DNMT1: variants seen among roughly 807,000 people sequenced by gnomAD.
The protein encoded by DNMT1 is DNA methyltransferase 1, also known as DNA (cytosine-5)-methyltransferase 1.
DNMT1 carries 24 observed loss-of-function variants against 205.3 expected under a neutral mutation model. That is an observed-to-expected ratio of 0.12 (90% CI 0.08 to 0.16). DNMT1 has a LOEUF of 0.16. Ranked by LOEUF, DNMT1 falls within the 10% of genes least tolerant of loss-of-function variation. The pLI, the probability that DNMT1 is intolerant of heterozygous loss-of-function variation, is 1.00. For missense variants in DNMT1, 1,293 were observed against 2,177.7 expected, an observed-to-expected ratio of 0.59 and a Z score of 8.09; for synonymous variants, 817 against 839.8, an observed-to-expected ratio of 0.97 and a Z score of 0.47.
At chr19:10,144,111 C>A (rs2089654386) in intron 28 of DNMT1, 124 bp from the exon 29 acceptor site, 1 of 1,010,272 alleles carries the variant, frequency 9.9e-7, no homozygotes, top group East Asian at 2.5e-5. Context: ...TAGGTGTGTA[C>A]CCTAAGAAAT....
chr19:10,191,908 G>A (rs2039311409), intron 1 of DNMT1, among the ~76,000 whole-genome samples: 2 of 151,618 alleles, frequency 1.3e-5, no homozygotes, highest in Non-Finnish European at 2.9e-5. Context: ...GTGCAATCTC[G>A]GCTCCTGGGT....
chr19:10,156,184 A>T lies in DNMT1; in HGVS notation c.1399+207T>A, dbSNP rs1266261444. ...TGTTTTTTATTTATACATATATATAAGTATATATGTATACTATATATATAT... is the reference window on the plus strand; with the variant it reads ...TGTTTTTTATTTATACATATATATATGTATATATGTATACTATATATATAT... On this transcript the variant is annotated intron_variant, in intron 18 of 40. Transcript: ENST00000359526. This position sits in a 1 kb window ranked among gnomAD's most constrained non-coding sequence, Gnocchi z 4.2. Among the ~76,000 whole-genome samples, 1 of 150,596 alleles carries T rather than the reference A, an allele frequency of 6.6e-6. No homozygotes were observed. Among genetic ancestry groups the T allele is most frequent in the Non-Finnish European group, 1.5e-5 (1 of 67,742 alleles).
chr19:10,149,055 G>A, intron 26 of DNMT1, 38 bp from the exon 27 acceptor site: 2 of 1,611,944 alleles, frequency 1.2e-6, no homozygotes, highest in Non-Finnish European at 1.7e-6. Context: ...CAGGCGCAGT[G>A]GCTCATGCCT....
In DNMT1 at chr19:10,137,124, T is replaced by C. The variant is rs1568219726; in HGVS notation, c.4450A>G (p.Ser1484Gly). The C allele has an allele frequency of 6.2e-7, 1 of 1,611,642 alleles. No individual in the cohort carries two copies. The highest frequency in any genetic ancestry group is 2.2e-5 in the East Asian group (1 of 44,854). ...THHDRKNGRS[S>G]SGALRGVCSC... ...CAGACCCCACGGAGGGCCCCAGAGCTGCTGCGGCCGTTCTTCCTGTCATGG... is the reference window on the plus strand; with the variant it reads ...CAGACCCCACGGAGGGCCCCAGAGCCGCTGCGGCCGTTCTTCCTGTCATGG... The change falls in exon 37 of 41, where the codon AGC becomes GGC. Residue 1484 changes from serine (S) to glycine (G), a missense_variant. Transcript: ENST00000359526. This position sits in a 1 kb window ranked among gnomAD's most constrained non-coding sequence, Gnocchi z 6.4.
At chr19:10,145,102 T>C (rs1014283087) in intron 28 of DNMT1, among the ~76,000 whole-genome samples, 6 of 152,194 alleles carry the variant, frequency 3.9e-5, no homozygotes, top group Admixed American at 3.3e-4. Context: ...TGGAGGCCAA[T>C]GTAAGGCGCC....
chr19:10,152,674 T>C (rs2038373603), intron 22 of DNMT1, among the ~76,000 whole-genome samples: 1 of 151,726 alleles, frequency 6.6e-6, no homozygotes, highest in Non-Finnish European at 1.5e-5. Context: ...GGTGGGAAGA[T>C]CACTTGAGCC....
In DNMT1 at chr19:10,169,398, A is replaced by AAG. The variant is rs1467761974; in HGVS notation, c.769-1035_769-1034insCT. Among the ~76,000 whole-genome samples, 4 of 150,100 alleles carry AAG rather than the reference A, an allele frequency of 2.7e-5. No individual in the cohort carries two copies. In the East Asian group the frequency reaches 7.9e-4, roughly 29 times the overall value. On this transcript the variant is annotated intron_variant, in intron 9 of 40. Transcript: ENST00000359526. Reference sequence around the variant, plus strand: ...TCTACTAAAAATACAAAAAAAAAAAAAAAAAAAAATTAGCCGGGCGTGTTG... The same window carrying AAG: ...TCTACTAAAAATACAAAAAAAAAAAAAGAAAAAAAAATTAGCCGGGCGTGTTG...
chr19:10,181,711 C>T (rs2039050072), intron 2 of DNMT1, among the ~76,000 whole-genome samples: 1 of 151,986 alleles, frequency 6.6e-6, no homozygotes, highest in Non-Finnish European at 1.5e-5. Context: ...TGCCTGTAGT[C>T]CCAGCTACTT....
intron 1 of DNMT1, 164 bp downstream of exon 1, chr19:10,194,656 G>A (rs917144540): frequency 3.1e-6 from 3 of 959,682 alleles, no homozygotes; most frequent in Non-Finnish European, 2.9e-6. Context: ...ACGCGCGACC[G>A]GAAGTGCCAC....
rs1384203136 is a variant in DNMT1 at position 10,190,316 on chromosome 19, A to G, written c.80+4504T>C. Among the ~76,000 whole-genome samples the G allele has an allele frequency of 2.0e-5, 3 of 152,202 alleles. No homozygotes were observed. In the East Asian group the frequency reaches 5.8e-4, roughly 29 times the overall value. Reference sequence around the variant, plus strand: ...TTGAGTCTACTGTGCTCCAAGCTGCAGATACAGTGAATACGGCAGACACGC... The same window carrying G: ...TTGAGTCTACTGTGCTCCAAGCTGCGGATACAGTGAATACGGCAGACACGC... On this transcript the variant is annotated intron_variant, in intron 1 of 40. Coordinates refer to ENST00000359526, the MANE Select transcript of DNMT1 (RefSeq NM_001130823.3).
intron 28 of DNMT1, among the ~76,000 whole-genome samples, chr19:10,145,586 C>G (rs2145280901): frequency 6.6e-6 from 1 of 152,358 alleles, no homozygotes; most frequent in East Asian, 1.9e-4. Flanking sequence ...GATCCTCTGA[C>G]ACAGAGAAGT....
Position 10,134,256 on chromosome 19 carries a change from T to A in DNMT1, c.4825A>T (p.Lys1609Ter). The A allele has an allele frequency of 6.2e-7, 1 of 1,614,152 alleles. No homozygotes were observed. The highest frequency in any genetic ancestry group is 8.5e-7 in the Non-Finnish European group (1 of 1,180,038). ...PLAKAIGLEI[K>*]LCMLAKARES... ...CGGGCTTTGGCCAACATACAAAGCT[T>A]GATCTCCAAGCCAATGGCTTTGGCC... The change falls in exon 40 of 41, where the codon AAG becomes TAG. Residue 1609 changes from lysine to a stop codon, truncating the protein, a stop_gained. Coordinates refer to ENST00000359526, the MANE Select transcript of DNMT1 (RefSeq NM_001130823.3). LOFTEE classifies it high-confidence loss of function.
At chr19:10,192,743 G>A (rs2039325891) in intron 1 of DNMT1, among the ~76,000 whole-genome samples, 1 of 152,142 alleles carries the variant, frequency 6.6e-6, no homozygotes, top group South Asian at 2.1e-4. Context: ...TGGCACAGAT[G>A]ATTCAAGAAG....
In DNMT1 at chr19:10,186,838, C is replaced by CAAAAAAAAAAA. The variant is rs35238334; in HGVS notation, c.81-4772_81-4762dup. The stretch of plus-strand genomic sequence containing the variant: ...GGACAACAAGAGTGAAACTCCGTCT[C>CAAAAAAAAAAA]AAAAAAAAAAAAAAAAAAAAAGATA... On this transcript the variant is annotated intron_variant, in intron 1 of 40. Transcript: ENST00000359526. Among the ~76,000 whole-genome samples, 136 of 70,680 alleles carry CAAAAAAAAAAA rather than the reference C, an allele frequency of 1.9e-3. 4 individuals carry two copies. The highest frequency in any genetic ancestry group is 6.4e-3 in the African/African-American group (108 of 16,958). The allele number at this position is 70,680 out of a possible 152,430, so 46.4% of individuals were successfully genotyped here. A position where few individuals can be genotyped will look rare whatever the true frequency, so the allele number is the denominator to read the frequency against.
At chr19:10,182,899 C>A (rs939659791) in intron 1 of DNMT1, among the ~76,000 whole-genome samples, 17 of 151,516 alleles carry the variant, frequency 1.1e-4, no homozygotes, top group Non-Finnish European at 2.1e-4. Flanking sequence ...TTCCTGACCT[C>A]AAGTGATCCG....
chr19:10,186,373 TA>T (rs1461833271), intron 1 of DNMT1, among the ~76,000 whole-genome samples: 2 of 151,844 alleles, frequency 1.3e-5, no homozygotes. Flanking sequence ...CCTTCCCTGG[TA>T]AAACTGTGAT....
At chr19:10,188,166 GTC>G (rs1284776236) in intron 1 of DNMT1, among the ~76,000 whole-genome samples, 4 of 151,970 alleles carry the variant, frequency 2.6e-5, no homozygotes, top group African/African-American at 9.7e-5. Flanking sequence ...CAAGTTACAA[GTC>G]TCTGTCAAAC....
intron 29 of DNMT1, 46 bp downstream of exon 29, chr19:10,143,720 C>G: frequency 6.2e-7 from 1 of 1,607,074 alleles, no homozygotes; most frequent in Non-Finnish European, 8.5e-7. Context: ...GCAGAGCCTT[C>G]TAGAAGAGTC....
chr19:10,154,346 C>T lies in DNMT1; in HGVS notation c.1966G>A (p.Asp656Asn), dbSNP rs1316701284. ...TFFAEQIEKDDREDKENAFKR... is the reference protein window; with the variant it reads ...TFFAEQIEKDNREDKENAFKR... ...AAGGCGTTCTCCTTGTCTTCTCTGT[C>T]ATCCTTTTCAATTTGCTCTGCGAAG... The change falls in exon 22 of 41, where the codon GAC (aspartate) becomes AAC (asparagine). Residue 656 changes from aspartate to asparagine, a missense_variant. Asp to Asn is a conservative substitution (Grantham distance 23). Around this residue, in one of 13 missense-constraint regions of DNMT1, gnomAD observed 197 missense variants for 353.6 expected, o/e 0.56. Coordinates refer to ENST00000359526, the MANE Select transcript of DNMT1 (RefSeq NM_001130823.3). This position sits in a 1 kb window ranked among gnomAD's most constrained non-coding sequence, Gnocchi z 6.3. 4.3e-6 allele frequency: 7 copies of T among 1,614,246 alleles called. No individual in the cohort carries two copies. The South Asian group carries it at 7.7e-5, about 18-fold the overall frequency.
Sources: gnomAD v4.1 joint callset for allele counts (sites outside exome capture counted in the v4.1 genomes callset) on GRCh38, gnomAD v4.1.1 for gene constraint, gnomAD v4.1.1 regional missense constraint, Gnocchi (gnomAD v3.1) non-coding constraint, MANE v1.5 for transcripts, NCBI Gene and HGNC (gene_info 2026-07-23, HGNC 2026-07-21) for gene names.